Variants in NACC2 observed in about 807,000 individuals in gnomAD.
The protein encoded by NACC2 is NACC family member 2.
A neutral mutation model predicts 25.1 loss-of-function variants in NACC2; 8 were observed. The ratio of observed to expected loss-of-function variants is 0.32; its 90% CI spans 0.19 to 0.57. The LOEUF is 0.57. Among genes scored for constraint, NACC2 ranks in the 20% least tolerant of loss-of-function variants. The probability of loss-of-function intolerance (pLI) is 0.89; values close to 1 mark genes in which losing one functional copy is unlikely to be tolerated. For missense variants in NACC2, 644 were observed against 650.2 expected, an observed-to-expected ratio of 0.99 and a Z score of 0.10; for synonymous variants, 435 against 294.7, an observed-to-expected ratio of 1.48 and a Z score of -4.88.
chr9:136,018,472 AC>A lies in NACC2; in HGVS notation c.887-2044del, dbSNP rs1301574731. ...GGCAGCAGGTGTTCCACTCCTGAGAACCATGCGGGGTCTGAAACCACCCACC... is the reference window on the plus strand; with the variant it reads ...GGCAGCAGGTGTTCCACTCCTGAGAACATGCGGGGTCTGAAACCACCCACC... On this transcript the variant is annotated intron_variant, in intron 2 of 5. Transcript: ENST00000277554. The surrounding 1 kb of genome is among the most constrained non-coding windows in gnomAD (Gnocchi z 4.4). Among the ~76,000 whole-genome samples the A allele has an allele frequency of 1.3e-5, 2 of 152,036 alleles. No individual in the cohort carries two copies. Among genetic ancestry groups the A allele is most frequent in the East Asian group, 3.9e-4 (2 of 5,182 alleles).
chr9:136,068,139 A>G (rs1841109275), intron 1 of NACC2, among the ~76,000 whole-genome samples: 1 of 152,204 alleles, frequency 6.6e-6, no homozygotes, highest in Admixed American at 6.6e-5. Flanking sequence ...GGATATTACT[A>G]TATGCTACTA....
rs1391926470 is a variant in NACC2 at position 136,020,935 on chromosome 9, C to T, written c.887-4506G>A. On this transcript the variant is annotated intron_variant, in intron 2 of 5. Transcript: ENST00000277554. The surrounding 1 kb of genome is among the most constrained non-coding windows in gnomAD (Gnocchi z 4.7). ...AAAACCACCCTCCGTCTCAGCCTCGCACCCTACACAAAAACTGCAGAAGGT... is the reference window on the plus strand; with the variant it reads ...AAAACCACCCTCCGTCTCAGCCTCGTACCCTACACAAAAACTGCAGAAGGT... 6.6e-6 allele frequency among the ~76,000 whole-genome samples: 1 copy of T among 152,176 alleles called. No homozygotes were observed. Among genetic ancestry groups the T allele is most frequent in the African/African-American group, 2.4e-5 (1 of 41,428 alleles).
chr9:136,046,910 G>A (rs1047513806), intron 2 of NACC2, among the ~76,000 whole-genome samples: 16 of 152,282 alleles, frequency 1.1e-4, no homozygotes, highest in African/African-American at 3.1e-4. Flanking sequence ...AAAAACAGGA[G>A]AACAGCCCTA....
chr9:136,082,916 C>G (rs549384464), intron 1 of NACC2, among the ~76,000 whole-genome samples: 2 of 152,222 alleles, frequency 1.3e-5, no homozygotes, highest in Non-Finnish European at 2.9e-5. Flanking sequence ...GCCCTCTCTA[C>G]GCCTAGGATT....
chr9:136,076,460 G>A (rs1830263631), intron 1 of NACC2, among the ~76,000 whole-genome samples: 1 of 152,142 alleles, frequency 6.6e-6, no homozygotes, highest in Non-Finnish European at 1.5e-5. Context: ...ACAACGCCAC[G>A]GGGTTCCACT....
At chr9:136,065,899 G>C (rs539875824) in intron 1 of NACC2, among the ~76,000 whole-genome samples, 12 of 151,826 alleles carry the variant, frequency 7.9e-5, no homozygotes, top group African/African-American at 2.9e-4. Flanking sequence ...ATACCATAAA[G>C]AAAGTAAAAA....
At chr9:136,092,227 G>C (rs1354331712) in intron 1 of NACC2, among the ~76,000 whole-genome samples, 1 of 152,222 alleles carries the variant, frequency 6.6e-6, no homozygotes, top group Non-Finnish European at 1.5e-5. Flanking sequence ...ATGCTGGGGA[G>C]AGGGCACTTC....
At chr9:136,087,323 G>A (rs1390136224) in intron 1 of NACC2, among the ~76,000 whole-genome samples, 4 of 152,234 alleles carry the variant, frequency 2.6e-5, no homozygotes, top group Non-Finnish European at 5.9e-5. Context: ...GGTGGCCCCA[G>A]GAGATGGATA....
chr9:136,068,332 T>C (rs1376665590), intron 1 of NACC2, among the ~76,000 whole-genome samples: 1 of 151,582 alleles, frequency 6.6e-6, no homozygotes, highest in Admixed American at 6.6e-5. Context: ...ACCCTGTCTC[T>C]ACCAAAAAAT....
At chr9:136,066,928 ACAGAT>A (rs1841090483) in intron 1 of NACC2, among the ~76,000 whole-genome samples, 1 of 151,672 alleles carries the variant, frequency 6.6e-6, no homozygotes, top group Non-Finnish European at 1.5e-5. Context: ...AATGTCCAGA[ACAGAT>A]CATTTAAAAA....
chr9:136,051,681 C>A (rs956159308), intron 1 of NACC2, among the ~76,000 whole-genome samples: 5 of 152,162 alleles, frequency 3.3e-5, no homozygotes, highest in African/African-American at 1.2e-4. Context: ...CCGGGGGCGG[C>A]CCGCAGTGCC....
At chr9:136,076,546 A>C (rs1162018361) in intron 1 of NACC2, among the ~76,000 whole-genome samples, 1 of 152,026 alleles carries the variant, frequency 6.6e-6, no homozygotes, top group African/African-American at 2.4e-5. Context: ...GGGACTGCGG[A>C]GGGGAGTTGG....
chr9:136,087,913 C>A (rs1246323614), intron 1 of NACC2, among the ~76,000 whole-genome samples: 1 of 152,192 alleles, frequency 6.6e-6, no homozygotes, highest in Admixed American at 6.5e-5. Context: ...GGCCGTGGCC[C>A]AGGAAGGCCC....
intron 1 of NACC2, among the ~76,000 whole-genome samples, chr9:136,092,401 C>A (rs1830442370): frequency 6.6e-6 from 1 of 152,214 alleles, no homozygotes; most frequent in Admixed American, 6.5e-5. Context: ...CACAAACTCC[C>A]GCACCTGCCC....
rs1840813835 is a variant in NACC2 at position 136,050,580 on chromosome 9, T to C, written c.-59A>G. 1 of 720,196 alleles carries C rather than the reference T, an allele frequency of 1.4e-6. No individual in the cohort carries two copies. The highest frequency in any genetic ancestry group is 1.9e-5 in the Admixed American group (1 of 52,512). 44.6% of individuals were successfully genotyped at this position (720,196 alleles called of 1,614,324 possible). Reference sequence around the variant, plus strand: ...CGCGGGGCGGCCCTAGCGGGGCTCATCTGTGGGGGGCAGGAGGCACGTGGT... The same window carrying C: ...CGCGGGGCGGCCCTAGCGGGGCTCACCTGTGGGGGGCAGGAGGCACGTGGT... On this transcript the variant is annotated splice_region_variant and 5_prime_UTR_variant, in exon 2 of 6. The change abolishes an upstream ATG in the 5' untranslated region. Transcript: ENST00000277554.
chr9:136,068,914 G>T (rs1352992050), intron 1 of NACC2, among the ~76,000 whole-genome samples: 4 of 122,492 alleles, frequency 3.3e-5, no homozygotes, highest in African/African-American at 1.1e-4. Context: ...GAGATTGAAA[G>T]AATACTTTTT....
rs759435250 is a variant in NACC2 at position 136,011,659 on chromosome 9, C to T, written c.1621G>A (p.Glu541Lys). The change falls in exon 6 of 6, where the codon GAG (glutamate) becomes AAG (lysine). Residue 541 changes from glutamate to lysine, a missense_variant. Glu to Lys is a moderately conservative substitution (Grantham distance 56, BLOSUM62 1). Coordinates refer to ENST00000277554, the MANE Select transcript of NACC2 (RefSeq NM_144653.5). ...GGCAGCGGCTCGGGGGCGGCCACCT[C>T]CTGGATGACCGAGCCAGCCCCGTCC... ...EVDGAGSVIQEVAAPEPLPAD... is the reference protein window; with the variant it reads ...EVDGAGSVIQKVAAPEPLPAD... 41 of 1,417,174 alleles carry T rather than the reference C, an allele frequency of 2.9e-5. No homozygotes were observed. Among genetic ancestry groups the T allele is most frequent in the Admixed American group, 2.1e-4 (7 of 32,790 alleles). The allele number at this position is 1,417,174 out of a possible 1,614,324, so 87.8% of individuals were successfully genotyped here.
rs1322744618 is a variant in NACC2 at position 136,049,842 on chromosome 9, G to A, written c.680C>T (p.Pro227Leu). Residue 227 changes from proline (P) to leucine (L), a missense_variant, in exon 2 of 6, where the codon CCC becomes CTC. Transcript: ENST00000277554. Reference sequence around the variant, plus strand: ...GCCGGGGATGAGGGTGGCCAGGCTGGGCACCCCGTAGTAGGAGACACGGGG... The same window carrying A: ...GCCGGGGATGAGGGTGGCCAGGCTGAGCACCCCGTAGTAGGAGACACGGGG... Reference protein sequence around the residue: ...KLPRVSYYGVPSLATLIPGIQ... With the variant: ...KLPRVSYYGVLSLATLIPGIQ... The A allele has an allele frequency of 4.3e-6, 3 of 703,330 alleles. No homozygotes were observed. The highest frequency in any genetic ancestry group is 7.9e-6 in the Non-Finnish European group (3 of 377,726). The allele number at this position is 703,330 out of a possible 1,614,324, so 43.6% of individuals were successfully genotyped here.
rs147098678 is a variant in NACC2 at position 136,070,151 on chromosome 9, A to G, written c.-59-19571T>C. The stretch of plus-strand genomic sequence containing the variant: ...AGAAATCGTAACAAAGGTAACAGGG[A>G]AATCTAGAAATGGAAATAACATACA... On this transcript the variant is annotated intron_variant, in intron 1 of 5. Coordinates refer to ENST00000277554, the MANE Select transcript of NACC2 (RefSeq NM_144653.5). 6.6e-5 allele frequency among the ~76,000 whole-genome samples: 10 copies of G among 152,028 alleles called. 1 individual carries two copies. Among genetic ancestry groups the G allele is most frequent in the Admixed American group, 2.0e-4 (3 of 15,300 alleles).
Sources: gnomAD v4.1 joint callset for allele counts (sites outside exome capture counted in the v4.1 genomes callset) on GRCh38, gnomAD v4.1.1 for gene constraint, Gnocchi (gnomAD v3.1) non-coding constraint, MANE v1.5 for transcripts, NCBI Gene and HGNC (gene_info 2026-07-23, HGNC 2026-07-21) for gene names.